Variants in HERC4 observed in about 807,000 individuals in gnomAD.
HERC4 encodes the protein probable E3 ubiquitin-protein ligase HERC4.
A neutral mutation model predicts 124.3 loss-of-function variants in HERC4; 28 were observed. That is an observed-to-expected ratio of 0.23 (90% CI 0.17 to 0.31). The LOEUF is 0.31. Ranked by LOEUF, HERC4 falls within the 10% of genes least tolerant of loss-of-function variation. The pLI is 1.00. For missense variants in HERC4, 713 were observed against 1,229.3 expected, an observed-to-expected ratio of 0.58 and a Z score of 6.28; for synonymous variants, 407 against 421.5, an observed-to-expected ratio of 0.97 and a Z score of 0.42.
At chr10:67,933,609 G>A (rs1353387993) in intron 22 of HERC4, among the ~76,000 whole-genome samples, 1 of 151,526 alleles carries the variant, frequency 6.6e-6, no homozygotes, top group Admixed American at 6.6e-5. Flanking sequence ...TCAGAACCAA[G>A]TTTTTTTTTA....
intron 4 of HERC4, among the ~76,000 whole-genome samples, chr10:68,042,401 A>G (rs1273321004): frequency 6.6e-6 from 1 of 152,216 alleles, no homozygotes; most frequent in African/African-American, 2.4e-5. Flanking sequence ...AAAGCCGGTG[A>G]ATCCCTTGAG....
chr10:67,936,200 T>C lies in HERC4; in HGVS notation c.2607A>G (p.Lys869=), dbSNP rs537236608. ...TGTCTGCACCATTTAGAACCAGCTCTTTCACTTCTGTTGCACCAAAGTTTT... is the reference window on the plus strand; with the variant it reads ...TGTCTGCACCATTTAGAACCAGCTCCTTCACTTCTGTTGCACCAAAGTTTT... ...TVENFGATEV[K]ELVLNGADTA... The change falls in exon 22 of 25, where the codon AAA becomes AAG. Residue 869 remains lysine, a synonymous_variant. Coordinates refer to ENST00000373700, the MANE Select transcript of HERC4 (RefSeq NM_015601.4). 401 of 1,603,168 alleles carry C rather than the reference T, an allele frequency of 2.5e-4. 2 individuals carry two copies. The South Asian group carries it at 4.1e-3, about 17-fold the overall frequency.
chr10:68,054,352 T>A (rs919392565), intron 3 of HERC4, among the ~76,000 whole-genome samples: 1 of 146,888 alleles, frequency 6.8e-6, no homozygotes, highest in Admixed American at 6.8e-5. Flanking sequence ...ATTTAATGAT[T>A]TTTTTTTTTT....
intron 9 of HERC4, 135 bp downstream of exon 9, chr10:68,013,891 C>T (rs1257017775): frequency 1.5e-6 from 1 of 666,552 alleles, no homozygotes; most frequent in Admixed American, 3.2e-5. Context: ...CAACCATATA[C>T]ATTGTTCTAT....
chr10:67,999,069 T>TA (rs1322883355), intron 9 of HERC4, among the ~76,000 whole-genome samples: 1 of 152,182 alleles, frequency 6.6e-6, no homozygotes, highest in Admixed American at 6.5e-5. Flanking sequence ...AAAATAAAAA[T>TA]ATGTCTAGGC....
intron 8 of HERC4, among the ~76,000 whole-genome samples, chr10:68,021,393 C>A (rs2038616805): frequency 3.9e-5 from 6 of 152,180 alleles, no homozygotes; most frequent in Non-Finnish European, 1.5e-5. Context: ...CACACACAAT[C>A]ATCTGAATTG....
chr10:67,991,112 T>G (rs1456361621), intron 12 of HERC4, 28 bp downstream of exon 12: 1 of 1,477,340 alleles, frequency 6.8e-7, no homozygotes, highest in Admixed American at 2.2e-5. Flanking sequence ...ATTTGAAAAT[T>G]TCAGCATATT....
chr10:67,939,770 T>C, intron 20 of HERC4, 116 bp from the exon 21 acceptor site: 1 of 467,732 alleles, frequency 2.1e-6, no homozygotes, highest in Non-Finnish European at 3.6e-6. Context: ...AAAATCCTTT[T>C]GTCAATTTGT....
At position 68,034,123 on chromosome 10, in the gene HERC4, T is replaced by A; in HGVS notation, c.527A>T (p.Lys176Ile). Residue 176 changes from lysine to isoleucine, a missense_variant, in exon 6 of 25, where the codon AAA becomes ATA. Coordinates refer to ENST00000373700, the MANE Select transcript of HERC4 (RefSeq NM_015601.4). ...AAGCAGCTGCGGTGAAGTTTGCTTTTTACAGTCAGTACCTAAACCCAATTG... is the reference window on the plus strand; with the variant it reads ...AAGCAGCTGCGGTGAAGTTTGCTTTATACAGTCAGTACCTAAACCCAATTG... ...YGQLGLGTDCKKQTSPQLLKS... is the reference protein window; with the variant it reads ...YGQLGLGTDCIKQTSPQLLKS... The A allele has an allele frequency of 6.2e-7, 1 of 1,614,132 alleles. No individual in the cohort carries two copies. Among genetic ancestry groups the A allele is most frequent in the Non-Finnish European group, 8.5e-7 (1 of 1,180,036 alleles).
chr10:67,984,407 C>T (rs1464804904), intron 15 of HERC4, among the ~76,000 whole-genome samples: 7 of 151,812 alleles, frequency 4.6e-5, no homozygotes, highest in Admixed American at 1.3e-4. Flanking sequence ...AGACAAATAT[C>T]GCATGTTCTC....
chr10:67,959,424 G>A (rs1009230731), intron 16 of HERC4, among the ~76,000 whole-genome samples: 6 of 151,590 alleles, frequency 4.0e-5, no homozygotes, highest in African/African-American at 1.5e-4. Flanking sequence ...GCAGAATTTA[G>A]GCAGAATAAG....
At chr10:67,997,724 G>A (rs979407775) in intron 9 of HERC4, among the ~76,000 whole-genome samples, 2 of 152,100 alleles carry the variant, frequency 1.3e-5, no homozygotes, top group African/African-American at 4.8e-5. Context: ...TGATACTAAA[G>A]AGGGTAATAA....
intron 9 of HERC4, among the ~76,000 whole-genome samples, chr10:67,995,784 T>C (rs1354650955): frequency 6.6e-6 from 1 of 152,196 alleles, no homozygotes; most frequent in Non-Finnish European, 1.5e-5. Context: ...CATATCTTCT[T>C]GTCTTAAGAA....
intron 11 of HERC4, among the ~76,000 whole-genome samples, chr10:67,991,446 T>C (rs751917374): frequency 2.0e-4 from 30 of 152,192 alleles, no homozygotes; most frequent in Admixed American, 1.3e-4. Flanking sequence ...TCCAATGTTA[T>C]CTGCTTTAAA....
chr10:68,020,967 T>A (rs568069305), intron 8 of HERC4, among the ~76,000 whole-genome samples: 2 of 152,178 alleles, frequency 1.3e-5, no homozygotes, highest in South Asian at 4.2e-4. Flanking sequence ...TAGGATACCA[T>A]TAAGCAGACC....
At chr10:67,961,384 A>G (rs549444186) in intron 16 of HERC4, 1 of 152,476 alleles carries the variant, frequency 6.6e-6, no homozygotes, top group Admixed American at 6.5e-5. Context: ...CTTTCATATC[A>G]TATCTATCTT....
chr10:67,997,119 A>G (rs1007852621), intron 9 of HERC4, among the ~76,000 whole-genome samples: 1 of 152,236 alleles, frequency 6.6e-6, no homozygotes, highest in African/African-American at 2.4e-5. Context: ...AACTGGGGAA[A>G]TGAATTTTAT....
rs921022485 is a variant in HERC4 at position 67,990,212 on chromosome 10, A to C, written c.1632T>G (p.Leu544=). The C allele has an allele frequency of 2.5e-6, 4 of 1,592,142 alleles. No homozygotes were observed. In the African/African-American group the frequency reaches 5.4e-5, roughly 22 times the overall value. Residue 544 remains leucine (L), a splice_region_variant and synonymous_variant, in exon 14 of 25, where the codon CTT becomes CTG. Coordinates refer to ENST00000373700, the MANE Select transcript of HERC4 (RefSeq NM_015601.4). ...AAGAAAAAATATTAGAATTCTTACC[A>C]AGTACTTTCAGTGGTGCCTTTTCTA... ...VNLEKAPLKV[L]ENWWSVLEPP... is the part of the protein sequence containing the mutation.
chr10:67,959,984 G>A (rs1045231273), intron 16 of HERC4, among the ~76,000 whole-genome samples: 3 of 152,210 alleles, frequency 2.0e-5, no homozygotes, highest in African/African-American at 7.2e-5. Flanking sequence ...TGGGTTACTA[G>A]GAGGTGACCT....
Sources: allele counts gnomAD v4.1 joint callset (sites outside exome capture counted in the v4.1 genomes callset), GRCh38; gene constraint gnomAD v4.1.1; transcripts MANE v1.5; gene names NCBI Gene and HGNC (gene_info 2026-07-23, HGNC 2026-07-21).